GLRA2: variants seen among roughly 807,000 people sequenced by gnomAD.
GLRA2 encodes the protein glycine receptor alpha 2.
A neutral mutation model predicts 31.6 loss-of-function variants in GLRA2; 11 were observed. The observed-to-expected ratio is 0.35, with a 90% confidence interval of 0.22 to 0.58. The LOEUF (loss-of-function observed/expected upper bound fraction) is 0.58. Ranked by LOEUF, GLRA2 falls within the 20% of genes least tolerant of loss-of-function variation. GLRA2 has a pLI of 0.84. For missense variants in GLRA2, 212 were observed against 351.8 expected, an observed-to-expected ratio of 0.60 and a Z score of 3.18; for synonymous variants, 132 against 134.0, an observed-to-expected ratio of 0.99 and a Z score of 0.10.
intron 8 of GLRA2, among the ~76,000 whole-genome samples, chrX:14,723,745 CCTCTCATTT>C (rs2091893840): frequency 9.0e-6 from 1 of 111,698 alleles, no homozygotes; most frequent in Admixed American, 9.5e-5. Flanking sequence ...CTCTTTAATG[CCTCTCATTT>C]TTTAAATCTC....
chrX:14,484,240 G>A, the GLRA2 span, among the ~76,000 whole-genome samples: 25 of 111,966 alleles, frequency 2.2e-4, no homozygotes, highest in Non-Finnish European at 3.6e-4. Flanking sequence ...TTTCAAAAGT[G>A]GAGTCATGTT....
the GLRA2 span, among the ~76,000 whole-genome samples, chrX:14,497,728 G>A: frequency 2.7e-5 from 3 of 111,670 alleles, no homozygotes; most frequent in Non-Finnish European, 3.8e-5. Flanking sequence ...TTTAAAAAAT[G>A]TTGCCATTTA....
intron 2 of GLRA2, among the ~76,000 whole-genome samples, chrX:14,566,902 C>G (rs2089814750): frequency 8.9e-6 from 1 of 111,750 alleles, no homozygotes; most frequent in Admixed American, 9.5e-5. Flanking sequence ...CCTTCTCTCT[C>G]TCTCTGCCTG....
chrX:14,497,515 G>A, the GLRA2 span, among the ~76,000 whole-genome samples: 1 of 111,062 alleles, frequency 9.0e-6, no homozygotes, highest in Non-Finnish European at 1.9e-5. Context: ...GGTACAAAAT[G>A]TGGTGGTCCT....
chrX:14,535,871 C>T (rs1206463264), intron 2 of GLRA2, among the ~76,000 whole-genome samples: 2 of 112,346 alleles, frequency 1.8e-5, no homozygotes, highest in African/African-American at 3.2e-5. Flanking sequence ...CAAATCTGGG[C>T]AAAATGCATT....
At chrX:14,512,043 GT>G in the GLRA2 span, among the ~76,000 whole-genome samples, 3 of 111,708 alleles carry the variant, frequency 2.7e-5, no homozygotes, top group Non-Finnish European at 5.7e-5. Flanking sequence ...AGATATACAT[GT>G]TTTTTGAAAA....
intron 8 of GLRA2, among the ~76,000 whole-genome samples, chrX:14,725,503 T>G (rs192811200): frequency 8.9e-6 from 1 of 111,740 alleles, no homozygotes; most frequent in Non-Finnish European, 1.9e-5. Flanking sequence ...GGAGGCTCAG[T>G]CCAATAAAAA....
intron 4 of GLRA2, among the ~76,000 whole-genome samples, chrX:14,592,354 T>C (rs939152903): frequency 9.0e-6 from 1 of 111,162 alleles, no homozygotes; most frequent in African/African-American, 3.3e-5. Context: ...TTGGACTACC[T>C]GTAATTTAAG....
At chrX:14,500,677 A>G in the GLRA2 span, among the ~76,000 whole-genome samples, 1 of 111,906 alleles carries the variant, frequency 8.9e-6, no homozygotes, top group Non-Finnish European at 1.9e-5. Context: ...GCATTTAGTG[A>G]TGGACAGATT....
intron 7 of GLRA2, among the ~76,000 whole-genome samples, chrX:14,622,380 G>T (rs957583256): frequency 1.3e-4 from 14 of 111,791 alleles, no homozygotes; most frequent in Non-Finnish European, 2.1e-4. Context: ...GATCCCATTT[G>T]TCAATTTTGG....
chrX:14,625,614 A>G (rs2090579682), intron 7 of GLRA2, among the ~76,000 whole-genome samples: 1 of 111,461 alleles, frequency 9.0e-6, no homozygotes, highest in South Asian at 3.7e-4. Context: ...TATGAAGCTT[A>G]GTTTGGCTGG....
At chrX:14,695,985 C>T (rs972883166) in intron 8 of GLRA2, among the ~76,000 whole-genome samples, 9 of 110,096 alleles carry the variant, frequency 8.2e-5, no homozygotes, top group Non-Finnish European at 1.1e-4. Flanking sequence ...GTATGTGTTT[C>T]CCCCCAGCAA....
chrX:14,547,923 C>A (rs1047342727), intron 2 of GLRA2, among the ~76,000 whole-genome samples: 8 of 112,022 alleles, frequency 7.1e-5, no homozygotes, highest in African/African-American at 2.6e-4. Flanking sequence ...ATCTCCAACA[C>A]GTGACAGTAG....
intron 8 of GLRA2, among the ~76,000 whole-genome samples, chrX:14,697,270 C>G (rs1402903723): frequency 9.0e-6 from 1 of 111,607 alleles, no homozygotes; most frequent in African/African-American, 3.3e-5. Flanking sequence ...TTTCCAATAC[C>G]TTGTGTGATT....
At chrX:14,674,422 A>G (rs1244778804) in intron 7 of GLRA2, among the ~76,000 whole-genome samples, 1 of 112,176 alleles carries the variant, frequency 8.9e-6, no homozygotes, top group Non-Finnish European at 1.9e-5. Context: ...GCCTTGAATT[A>G]TGCAAGTTTT....
intron 2 of GLRA2, among the ~76,000 whole-genome samples, chrX:14,548,907 G>GAA (rs1436879463): frequency 1.0e-5 from 1 of 98,199 alleles, no homozygotes; most frequent in African/African-American, 3.9e-5. Context: ...CTCCTCTTGA[G>GAA]CTTCATCTTC....
chrX:14,703,584 G>C (rs930342592), intron 8 of GLRA2, among the ~76,000 whole-genome samples: 3 of 111,798 alleles, frequency 2.7e-5, no homozygotes, highest in Middle Eastern at 4.7e-3. Flanking sequence ...TTAGGACACA[G>C]ACATCTTTGG....
upstream of GLRA2, among the ~76,000 whole-genome samples, chrX:14,525,095 T>C (rs2089183281): frequency 2.7e-5 from 3 of 111,727 alleles, no homozygotes; most frequent in Non-Finnish European, 3.8e-5. Flanking sequence ...GGTTTATCAG[T>C]ATCAGTAAAT....
the GLRA2 span, among the ~76,000 whole-genome samples, chrX:14,495,588 G>A: frequency 1.3e-3 from 142 of 107,364 alleles, no homozygotes; most frequent in African/African-American, 4.6e-3. Flanking sequence ...GTGAGTGTGT[G>A]TATATATATA....
Sources: gnomAD v4.1 joint callset for allele counts (sites outside exome capture counted in the v4.1 genomes callset) on GRCh38, gnomAD v4.1.1 for gene constraint, MANE v1.5 for transcripts, NCBI Gene and HGNC (gene_info 2026-07-23, HGNC 2026-07-21) for gene names.